The following KHDRBS2 variants were observed in gnomAD, a reference collection of about 807,000 sequenced individuals.
The protein encoded by KHDRBS2 is KH RNA binding domain containing, signal transduction associated 2, also known as KH domain-containing, RNA-binding, signal transduction-associated protein 2.
In KHDRBS2, 26 loss-of-function variants were observed where a neutral mutation model predicts 44.3. The observed-to-expected ratio is 0.59, with a 90% CI of 0.43 to 0.81. The LOEUF is 0.81. Ranked by LOEUF, KHDRBS2 falls within the 40% of genes least tolerant of loss-of-function variation. KHDRBS2 has a pLI of 0.00. For missense variants in KHDRBS2, 476 were observed against 433.1 expected (o/e 1.10, Z -0.88); for synonymous variants, 194 against 151.1 (o/e 1.28, Z -2.08).
intron 6 of KHDRBS2, among the ~76,000 whole-genome samples, chr6:61,805,993 A>G (rs948793209): frequency 6.6e-6 from 1 of 152,168 alleles, no homozygotes; most frequent in African/African-American, 2.4e-5. Flanking sequence ...TAGAGGTGGG[A>G]TATGAACCCA....
the KHDRBS2 span, among the ~76,000 whole-genome samples, chr6:61,638,024 G>C: frequency 6.6e-6 from 1 of 151,984 alleles, no homozygotes; most frequent in Non-Finnish European, 1.5e-5. Flanking sequence ...CTGTGCAGAA[G>C]CTCTTTAGTT....
At chr6:62,265,507 G>A (rs1370326879) in intron 1 of KHDRBS2, among the ~76,000 whole-genome samples, 1 of 151,896 alleles carries the variant, frequency 6.6e-6, no homozygotes, top group Admixed American at 6.6e-5. Context: ...AACACATAAA[G>A]ATGAATTTAA....
At chr6:61,657,748 A>G in the KHDRBS2 span, among the ~76,000 whole-genome samples, 2 of 151,918 alleles carry the variant, frequency 1.3e-5, no homozygotes, top group Non-Finnish European at 2.9e-5. Flanking sequence ...TTAGAACGAG[A>G]ACTCTCCTGC....
At chr6:62,204,272 T>C (rs1237691831) in intron 1 of KHDRBS2, among the ~76,000 whole-genome samples, 2 of 152,158 alleles carry the variant, frequency 1.3e-5, no homozygotes, top group African/African-American at 2.4e-5. Flanking sequence ...CAAAGATCTG[T>C]TGGAATGCAC....
chr6:62,092,164 T>C (rs1799611970), intron 2 of KHDRBS2, among the ~76,000 whole-genome samples: 1 of 151,974 alleles, frequency 6.6e-6, no homozygotes, highest in Admixed American at 6.6e-5. Flanking sequence ...CTCTCTACCA[T>C]TTCCAGCAAC....
At chr6:61,620,463 G>T in the KHDRBS2 span, among the ~76,000 whole-genome samples, 9 of 152,288 alleles carry the variant, frequency 5.9e-5, no homozygotes, top group South Asian at 8.3e-4. Flanking sequence ...ATGGCTTCTG[G>T]ATCCAGACTA....
intron 2 of KHDRBS2, among the ~76,000 whole-genome samples, chr6:62,065,160 T>C (rs973921990): frequency 6.6e-6 from 1 of 151,340 alleles, no homozygotes; most frequent in Non-Finnish European, 1.5e-5. Flanking sequence ...TGTGGAGAAA[T>C]AGGAACACTT....
chr6:62,057,671 C>T (rs1790609319), intron 2 of KHDRBS2, among the ~76,000 whole-genome samples: 1 of 151,906 alleles, frequency 6.6e-6, no homozygotes, highest in South Asian at 2.1e-4. Context: ...TTAGAAATGT[C>T]TAAGATTCTT....
chr6:61,802,298 G>A (rs1786408868), intron 6 of KHDRBS2, among the ~76,000 whole-genome samples: 1 of 152,068 alleles, frequency 6.6e-6, no homozygotes, highest in African/African-American at 2.4e-5. Flanking sequence ...GTGATAATAA[G>A]TCAATATTAT....
chr6:61,702,263 C>A (rs1412704234), intron 7 of KHDRBS2, among the ~76,000 whole-genome samples: 1 of 151,892 alleles, frequency 6.6e-6, no homozygotes, highest in Non-Finnish European at 1.5e-5. Flanking sequence ...TGTTTATCCT[C>A]TATTTCCTTT....
chr6:61,572,649 T>G, the KHDRBS2 span, among the ~76,000 whole-genome samples: 1 of 152,202 alleles, frequency 6.6e-6, no homozygotes, highest in Admixed American at 6.5e-5. Flanking sequence ...ATAACAGGGA[T>G]GCAGCGATGG....
intron 6 of KHDRBS2, among the ~76,000 whole-genome samples, chr6:61,765,035 A>T (rs556966598): frequency 1.3e-5 from 2 of 152,202 alleles, no homozygotes. Flanking sequence ...CTATTCTTCA[A>T]TCGAACTTCA....
the KHDRBS2 span, among the ~76,000 whole-genome samples, chr6:61,635,165 C>G: frequency 2.0e-5 from 3 of 151,898 alleles, no homozygotes; most frequent in South Asian, 2.1e-4. Context: ...TTGATGACAA[C>G]TAAATGTAGT....
intron 6 of KHDRBS2, among the ~76,000 whole-genome samples, chr6:61,735,171 A>G (rs1468186420): frequency 1.3e-5 from 2 of 152,148 alleles, no homozygotes; most frequent in African/African-American, 4.8e-5. Context: ...AAATTATACA[A>G]AAGTTGGAAC....
the KHDRBS2 span, among the ~76,000 whole-genome samples, chr6:61,578,273 G>A: frequency 6.6e-6 from 1 of 152,132 alleles, no homozygotes; most frequent in African/African-American, 2.4e-5. Flanking sequence ...TTTGTCAGGT[G>A]TTTGTGGTAT....
chr6:61,744,191 A>G (rs1484215061), intron 6 of KHDRBS2, among the ~76,000 whole-genome samples: 1 of 152,094 alleles, frequency 6.6e-6, no homozygotes, highest in African/African-American at 2.4e-5. Flanking sequence ...TGCTGGCAGA[A>G]GACATAACTC....
At chr6:61,823,769 T>C (rs1321064279) in intron 6 of KHDRBS2, among the ~76,000 whole-genome samples, 1 of 152,102 alleles carries the variant, frequency 6.6e-6, no homozygotes, top group Non-Finnish European at 1.5e-5. Flanking sequence ...GAAGTAAAGG[T>C]TGTTCAAATT....
At chr6:62,238,032 A>C (rs1422233858) in intron 1 of KHDRBS2, among the ~76,000 whole-genome samples, 1 of 148,456 alleles carries the variant, frequency 6.7e-6, no homozygotes, top group African/African-American at 2.5e-5. Context: ...CAGCCTAGGC[A>C]ACAGGGCAAG....
chr6:61,856,287 T>C (rs372109311), intron 6 of KHDRBS2, among the ~76,000 whole-genome samples: 2 of 152,172 alleles, frequency 1.3e-5, no homozygotes, highest in South Asian at 2.1e-4. Context: ...TCACTGCTAC[T>C]GTAATGGAGA....
Sources: gnomAD v4.1 joint callset for allele counts (sites outside exome capture counted in the v4.1 genomes callset) on GRCh38, gnomAD v4.1.1 for gene constraint, MANE v1.5 for transcripts, NCBI Gene and HGNC (gene_info 2026-07-23, HGNC 2026-07-21) for gene names.